Variants in BORCS5 observed in about 807,000 individuals in gnomAD.
BORCS5 encodes the protein BLOC-1 related complex subunit 5.
Under a neutral mutation model 22.1 loss-of-function variants are expected in BORCS5, and 17 were observed. The ratio of observed to expected loss-of-function variants is 0.77; its 90% CI spans 0.53 to 1.15. The LOEUF (loss-of-function observed/expected upper bound fraction) is 1.15. BORCS5 is among the 50% of genes most tolerant of loss of function. The pLI, the probability that BORCS5 is intolerant of heterozygous loss-of-function variation, is 0.00. For missense variants in BORCS5, 247 were observed against 253.2 expected, an observed-to-expected ratio of 0.98 and a Z score of 0.17; for synonymous variants, 117 against 99.8, an observed-to-expected ratio of 1.17 and a Z score of -1.03.
chr12:12,375,881 T>C (rs1300468782), intron 2 of BORCS5, among the ~76,000 whole-genome samples: 3 of 152,132 alleles, frequency 2.0e-5, no homozygotes, highest in Non-Finnish European at 1.5e-5. Context: ...CTCAGCTCGC[T>C]GCAACCTCTG....
intron 2 of BORCS5, among the ~76,000 whole-genome samples, chr12:12,427,459 C>T (rs546509791): frequency 2.0e-5 from 3 of 152,210 alleles, no homozygotes; most frequent in Admixed American, 6.5e-5. Flanking sequence ...GGATTACAGG[C>T]GTGAGCCACC....
At position 12,394,657 on chromosome 12, in the gene BORCS5, C is replaced by T. The variant is rs1592082823; in HGVS notation, c.202+33308C>T. ...GGGACTACAGATGTATTCCATCTTG[C>T]CAGGCTGATTTTTGCTCCTGAGGAT... On this transcript the variant is annotated intron_variant, in intron 2 of 3. Coordinates refer to ENST00000314565, the MANE Select transcript of BORCS5 (RefSeq NM_058169.6). Among the ~76,000 whole-genome samples the T allele has an allele frequency of 4.6e-5, 7 of 151,996 alleles. No homozygotes were observed. The South Asian group carries it at 1.2e-3, about 27-fold the overall frequency.
chr12:12,373,988 T>TC (rs1478491996), intron 2 of BORCS5, among the ~76,000 whole-genome samples: 1 of 139,752 alleles, frequency 7.2e-6, no homozygotes, highest in Non-Finnish European at 1.5e-5. Context: ...ATTCTTTTTT[T>TC]TTTTTTTTTT....
At position 12,465,597 on chromosome 12, in the gene BORCS5, A is replaced by G; in HGVS notation, c.412A>G (p.Arg138Gly). 6.2e-7 allele frequency: 1 copy of G among 1,614,268 alleles called. No homozygotes were observed. The highest frequency in any genetic ancestry group is 8.5e-7 in the Non-Finnish European group (1 of 1,180,042). ...CAGCTTCATGCAGGAGCGCCAGAAA[A>G]GATACGCCAAGTATGCCGAGCAGAT... ...LFSFMQERQK[R>G]YAKYAEQIQK... is the part of the protein sequence containing the mutation. Residue 138 changes from arginine to glycine, a missense_variant, in exon 4 of 4, where the codon AGA becomes GGA. Transcript: ENST00000314565.
In BORCS5 at chr12:12,433,322, CAAAAAAAAAA is replaced by C. The variant is rs34833037; in HGVS notation, c.203-2289_203-2280del. On this transcript the variant is annotated intron_variant, in intron 2 of 3. Coordinates refer to ENST00000314565, the MANE Select transcript of BORCS5 (RefSeq NM_058169.6). ...TGGAAGACAGAGCGAGACTGTGTCT[CAAAAAAAAAA>C]AAAAAAAAAAAAAAAAGGAAATCTG... Among the ~76,000 whole-genome samples the C allele has an allele frequency of 1.5e-4, 6 of 40,700 alleles. No homozygotes were observed. In the East Asian group the frequency reaches 2.9e-3, roughly 20 times the overall value. 26.7% of individuals were successfully genotyped at this position (40,700 alleles called of 152,430 possible).
At position 12,403,487 on chromosome 12, in the gene BORCS5, C is replaced by T. The variant is rs534290307; in HGVS notation, c.203-32141C>T. On this transcript the variant is annotated intron_variant, in intron 2 of 3. Coordinates refer to ENST00000314565, the MANE Select transcript of BORCS5 (RefSeq NM_058169.6). ...CTCCCTAGTCCGCTGTGGGGGGCACCTTCCTGCTTCTGAGGAAACTGAAGC... is the reference window on the plus strand; with the variant it reads ...CTCCCTAGTCCGCTGTGGGGGGCACTTTCCTGCTTCTGAGGAAACTGAAGC... Among the ~76,000 whole-genome samples, 167 of 152,296 alleles carry T rather than the reference C, an allele frequency of 1.1e-3. 1 individual carries two copies. Among genetic ancestry groups the T allele is most frequent in the African/African-American group, 3.5e-3 (144 of 41,552 alleles).
intron 3 of BORCS5, among the ~76,000 whole-genome samples, chr12:12,449,524 C>A (rs566081335): frequency 6.6e-6 from 1 of 152,158 alleles, no homozygotes; most frequent in East Asian, 1.9e-4. Flanking sequence ...CCCACCTAGA[C>A]GTGATGCCAA....
At chr12:12,408,469 G>A (rs189454245) in intron 2 of BORCS5, among the ~76,000 whole-genome samples, 1 of 152,252 alleles carries the variant, frequency 6.6e-6, no homozygotes, top group African/African-American at 2.4e-5. Flanking sequence ...CATTGAGATT[G>A]TTGTGTGACC....
At chr12:12,392,838 T>C (rs1941231204) in intron 2 of BORCS5, among the ~76,000 whole-genome samples, 1 of 152,112 alleles carries the variant, frequency 6.6e-6, no homozygotes. Context: ...GATCAAATCC[T>C]GTATCTATTT....
intron 3 of BORCS5, among the ~76,000 whole-genome samples, chr12:12,457,255 T>G (rs1184135916): frequency 1.3e-5 from 2 of 152,214 alleles, no homozygotes; most frequent in Non-Finnish European, 2.9e-5. Flanking sequence ...TCAGCAAGGT[T>G]AAGTAACTGG....
chr12:12,404,942 C>T (rs575791385), intron 2 of BORCS5, among the ~76,000 whole-genome samples: 5 of 152,266 alleles, frequency 3.3e-5, no homozygotes, highest in African/African-American at 1.2e-4. Flanking sequence ...CTCAAGTGAT[C>T]CACCCACCTC....
At chr12:12,358,567 T>C (rs1383996377) in intron 1 of BORCS5, among the ~76,000 whole-genome samples, 1 of 152,190 alleles carries the variant, frequency 6.6e-6, no homozygotes, top group Non-Finnish European at 1.5e-5. Context: ...GGCAGAAACA[T>C]ATTTTAGGGG....
Position 12,430,150 on chromosome 12 carries a change from A to ATTTTTTTTTTTTTTTT in BORCS5, c.203-5478_203-5477insTTTTTTTTTTTTTTTT, listed in dbSNP as rs1565905968. Among the ~76,000 whole-genome samples the ATTTTTTTTTTTTTTTT allele has an allele frequency of 9.8e-4, 73 of 74,384 alleles. 1 individual carries two copies. The highest frequency in any genetic ancestry group is 5.5e-3 in the African/African-American group (72 of 12,992). The allele number at this position is 74,384 out of a possible 152,430, so 48.8% of individuals were successfully genotyped here. The stretch of plus-strand genomic sequence containing the variant: ...ATACCACTTTAATCACCTTAGAGAA[A>ATTTTTTTTTTTTTTTT]ATTTTTTTTTTTTTTTTTGAGACAG... On this transcript the variant is annotated intron_variant, in intron 2 of 3. Coordinates refer to ENST00000314565, the MANE Select transcript of BORCS5 (RefSeq NM_058169.6).
chr12:12,372,386 C>T (rs1335132632), intron 2 of BORCS5, among the ~76,000 whole-genome samples: 1 of 152,044 alleles, frequency 6.6e-6, no homozygotes, highest in Non-Finnish European at 1.5e-5. Context: ...GCTCTGTTGC[C>T]CAGGCTAGAG....
At chr12:12,446,637 T>C (rs1288494905) in intron 3 of BORCS5, among the ~76,000 whole-genome samples, 3 of 152,188 alleles carry the variant, frequency 2.0e-5, no homozygotes, top group Non-Finnish European at 4.4e-5. Flanking sequence ...CATCAGGAGG[T>C]GTCCCTAAAG....
At chr12:12,394,040 C>T (rs907097835) in intron 2 of BORCS5, among the ~76,000 whole-genome samples, 2 of 151,744 alleles carry the variant, frequency 1.3e-5, no homozygotes, top group African/African-American at 4.8e-5. Context: ...AATCAATAGC[C>T]CTCGGCCGGG....
rs1444888977 is a variant in BORCS5 at position 12,470,130 on chromosome 12, G to C, written c.*4354G>C. Among the ~76,000 whole-genome samples the C allele has an allele frequency of 6.6e-6, 1 of 152,162 alleles. No homozygotes were observed. Among genetic ancestry groups the C allele is most frequent in the Admixed American group, 6.5e-5 (1 of 15,280 alleles). ...CTGTTGCCCAGGCTGGAGTGCAGTG[G>C]CACGATCTCGGCTCACTGCAACCTC... On this transcript the variant is annotated 3_prime_UTR_variant, in exon 4 of 4. Coordinates refer to ENST00000314565, the MANE Select transcript of BORCS5 (RefSeq NM_058169.6).
intron 2 of BORCS5, among the ~76,000 whole-genome samples, chr12:12,414,878 T>C (rs186700862): frequency 6.9e-6 from 1 of 145,710 alleles, no homozygotes; most frequent in African/African-American, 2.6e-5. Flanking sequence ...GACAGGGTTG[T>C]GGCCAGCAGA....
chr12:12,396,434 C>T (rs1941348400), intron 2 of BORCS5, among the ~76,000 whole-genome samples: 1 of 152,148 alleles, frequency 6.6e-6, no homozygotes, highest in Admixed American at 6.5e-5. Flanking sequence ...AAAGGAGGCC[C>T]TGCGGAGGGT....
Sources: allele counts gnomAD v4.1 joint callset (sites outside exome capture counted in the v4.1 genomes callset), GRCh38; gene constraint gnomAD v4.1.1; transcripts MANE v1.5; gene names NCBI Gene and HGNC (gene_info 2026-07-23, HGNC 2026-07-21).